MEGF10: variants seen among roughly 807,000 people sequenced by gnomAD.
MEGF10 encodes the protein multiple epidermal growth factor-like domains protein 10.
MEGF10 carries 86 observed loss-of-function variants against 147.5 expected under a neutral mutation model. That is an observed-to-expected ratio of 0.58 (90% CI 0.49 to 0.70). The LOEUF (loss-of-function observed/expected upper bound fraction) is 0.70, where lower values mean the gene tolerates loss of function less well. MEGF10 is among the 30% of genes least tolerant of loss of function. The probability of loss-of-function intolerance (pLI) is 0.00; values close to 1 mark genes in which losing one functional copy is unlikely to be tolerated. For missense variants in MEGF10, 1,329 were observed against 1,487.3 expected (o/e 0.89, Z 1.75); for synonymous variants, 478 against 525.5 (o/e 0.91, Z 1.24).
At chr5:127,289,574 T>C (rs556210684), upstream of MEGF10, among the ~76,000 whole-genome samples, 1 of 152,308 alleles carries the variant, frequency 6.6e-6, no homozygotes, top group East Asian at 1.9e-4. Context: ...GGGGCAATGA[T>C]GACTGCTAAA....
chr5:127,314,889 A>T (rs1422817), intron 1 of MEGF10, among the ~76,000 whole-genome samples: 15 of 152,190 alleles, frequency 9.9e-5, no homozygotes, highest in Admixed American at 9.8e-4. Context: ...TGGAAACTGT[A>T]TTTATAAGAA....
chr5:127,372,257 A>G (rs1301462549), intron 5 of MEGF10, among the ~76,000 whole-genome samples: 2 of 152,210 alleles, frequency 1.3e-5, no homozygotes, highest in Non-Finnish European at 2.9e-5. Context: ...CTTAAGATCC[A>G]ATTAGGAGAT....
chr5:127,310,590 T>G (rs1245851563), intron 1 of MEGF10, among the ~76,000 whole-genome samples: 1 of 152,200 alleles, frequency 6.6e-6, no homozygotes, highest in African/African-American at 2.4e-5. Context: ...GAGATGTCTC[T>G]TTTTTACTTG....
At chr5:127,452,188 G>A (rs1018863157) in intron 22 of MEGF10, among the ~76,000 whole-genome samples, 1 of 152,178 alleles carries the variant, frequency 6.6e-6, no homozygotes, top group Non-Finnish European at 1.5e-5. Context: ...GGGGTGTCTG[G>A]CCTCATAGCC....
chr5:127,290,198 C>T (rs943492331), upstream of MEGF10, among the ~76,000 whole-genome samples: 31 of 152,152 alleles, frequency 2.0e-4, no homozygotes, highest in Non-Finnish European at 3.4e-4. Context: ...TCTCTCCGCC[C>T]CTCCATGGTA....
intron 3 of MEGF10, 89 bp from the exon 4 acceptor site, chr5:127,340,441 T>C (rs1761636033): frequency 2.1e-6 from 2 of 935,058 alleles, no homozygotes; most frequent in Non-Finnish European, 3.4e-6. Context: ...GGTCTAGACA[T>C]GTATTCCATA....
At chr5:127,393,817 T>TC (rs2126914856) in intron 5 of MEGF10, among the ~76,000 whole-genome samples, 1 of 152,154 alleles carries the variant, frequency 6.6e-6, no homozygotes, top group South Asian at 2.1e-4. Flanking sequence ...AAAGTTTTTT[T>TC]TTTTCTTTTT....
the MEGF10 span, among the ~76,000 whole-genome samples, chr5:127,270,222 A>T: frequency 4.0e-5 from 6 of 149,286 alleles, no homozygotes; most frequent in Admixed American, 1.3e-4. Flanking sequence ...GATCAAATTC[A>T]CACATAACAA....
At chr5:127,456,459 CTGAG>C (rs1766367071) in intron 24 of MEGF10, among the ~76,000 whole-genome samples, 1 of 152,090 alleles carries the variant, frequency 6.6e-6, no homozygotes, top group African/African-American at 2.4e-5. Context: ...CTATGTCTCT[CTGAG>C]TATTTATGAT....
At chr5:127,366,212 T>C (rs1392256787) in intron 4 of MEGF10, among the ~76,000 whole-genome samples, 1 of 152,148 alleles carries the variant, frequency 6.6e-6, no homozygotes, top group Non-Finnish European at 1.5e-5. Context: ...TTCTGCACCT[T>C]GGTGAGTTGG....
In MEGF10 at chr5:127,423,168, C is replaced by T. The variant is rs138416690; in HGVS notation, c.1693+396C>T. Among the ~76,000 whole-genome samples, 5 of 152,270 alleles carry T rather than the reference C, an allele frequency of 3.3e-5. No individual in the cohort carries two copies. In the East Asian group the frequency reaches 9.6e-4, roughly 29 times the overall value. On this transcript the variant is annotated intron_variant, in intron 13 of 24. Transcript: ENST00000503335. ...TACAGATATTAATATGGTGAATATG[C>T]ATATGCATATTATTGTATGGTTAAT...
chr5:127,334,920 T>G (rs891758074), intron 2 of MEGF10, among the ~76,000 whole-genome samples: 4 of 152,154 alleles, frequency 2.6e-5, no homozygotes, highest in African/African-American at 9.7e-5. Flanking sequence ...TAAAATGTAA[T>G]TAACCACTTT....
the MEGF10 span, among the ~76,000 whole-genome samples, chr5:127,241,464 T>C: frequency 6.6e-6 from 1 of 152,182 alleles, no homozygotes; most frequent in Admixed American, 6.5e-5. Flanking sequence ...ACAGATGGGG[T>C]GAAAGGCTCC....
Position 127,420,019 on chromosome 5 carries a change from G to A in MEGF10, c.1427-25G>A, listed in dbSNP as rs767950829. On this transcript the variant is annotated intron_variant, in intron 11 of 24. Coordinates refer to ENST00000503335, the MANE Select transcript of MEGF10 (RefSeq NM_001256545.2). ...CTCTCTGCTGCCTTTGTTCGCTCACGTGCTCTGGCGTTCTTGTCGCACAGG... is the reference window on the plus strand; with the variant it reads ...CTCTCTGCTGCCTTTGTTCGCTCACATGCTCTGGCGTTCTTGTCGCACAGG... 14 of 1,611,496 alleles carry A rather than the reference G, an allele frequency of 8.7e-6. No homozygotes were observed. In the South Asian group the frequency reaches 9.9e-5, roughly 11 times the overall value.
Position 127,433,493 on chromosome 5 carries a change from C to A in MEGF10, c.1824C>A (p.Gly608=), listed in dbSNP as rs1393794961. The part of the protein sequence containing the change: ...GICECAPGFR[G]TTCQRICSPG... ...GCGAGTGTGCACCAGGCTTCCGAGGCACCACTTGTCAGAGGAGTAAGTGTC... is the reference window on the plus strand; with the variant it reads ...GCGAGTGTGCACCAGGCTTCCGAGGAACCACTTGTCAGAGGAGTAAGTGTC... The change falls in exon 14 of 25, where the codon GGC becomes GGA. Residue 608 remains glycine, a synonymous_variant. Coordinates refer to ENST00000503335, the MANE Select transcript of MEGF10 (RefSeq NM_001256545.2). 3 of 1,607,456 alleles carry A rather than the reference C, an allele frequency of 1.9e-6. No homozygotes were observed. The African/African-American group carries it at 4.0e-5, about 21-fold the overall frequency.
chr5:127,435,222 T>TA, intron 15 of MEGF10, 139 bp from the exon 16 acceptor site: 1 of 1,005,810 alleles, frequency 9.9e-7, no homozygotes, highest in Non-Finnish European at 1.4e-6. Flanking sequence ...CCATTCAAGA[T>TA]GAAGGATGCT....
At chr5:127,407,979 T>C (rs1190157638) in intron 8 of MEGF10, among the ~76,000 whole-genome samples, 1 of 152,242 alleles carries the variant, frequency 6.6e-6, no homozygotes, top group Admixed American at 6.5e-5. Flanking sequence ...CCAGCTTAAA[T>C]AATGGCTGCT....
Position 127,331,423 on chromosome 5 carries a change from A to C in MEGF10, c.115A>C (p.Ser39Arg), listed in dbSNP as rs1453368289. The change falls in exon 2 of 25, where the codon AGC becomes CGC. Residue 39 changes from serine to arginine, a missense_variant and splice_region_variant. Physicochemically the swap from Ser to Arg is moderately radical, Grantham distance 110 (BLOSUM62 -1). Around this residue, in one of 3 missense-constraint regions of MEGF10, gnomAD observed 980 missense variants for 1,085.9 expected, o/e 0.90. Coordinates refer to ENST00000503335, the MANE Select transcript of MEGF10 (RefSeq NM_001256545.2). ...CCCTAATGTGTGTAGCCACTGGGAAAGGTAATGGTTTTGAAAGGAGCCTGA... is the reference window on the plus strand; with the variant it reads ...CCCTAATGTGTGTAGCCACTGGGAACGGTAATGGTTTTGAAAGGAGCCTGA... ...EDPNVCSHWESYSVTVQESYP... is the reference protein window; with the variant it reads ...EDPNVCSHWERYSVTVQESYP... 2 of 1,589,088 alleles carry C rather than the reference A, an allele frequency of 1.3e-6. No homozygotes were observed. Among genetic ancestry groups the C allele is most frequent in the South Asian group, 2.2e-5 (2 of 89,528 alleles).
At chr5:127,284,676 A>G in the MEGF10 span, among the ~76,000 whole-genome samples, 1 of 138,174 alleles carries the variant, frequency 7.2e-6, no homozygotes, top group African/African-American at 2.5e-5. Context: ...TTAGAATTGA[A>G]TGAAGTAAAA....
Sources: allele counts gnomAD v4.1 joint callset (sites outside exome capture counted in the v4.1 genomes callset), GRCh38; gene constraint gnomAD v4.1.1; regional missense constraint gnomAD v4.1.1; transcripts MANE v1.5; gene names NCBI Gene and HGNC (gene_info 2026-07-23, HGNC 2026-07-21).